CHN1: variants seen among roughly 807,000 people sequenced by gnomAD.
The protein encoded by CHN1 is N-chimaerin.
A neutral mutation model predicts 59.5 loss-of-function variants in CHN1; 37 were observed. The observed-to-expected ratio is 0.62, with a 90% CI of 0.48 to 0.82. The LOEUF (loss-of-function observed/expected upper bound fraction) is 0.82. CHN1 is among the 40% of genes least tolerant of loss of function. CHN1 has a pLI of 0.00. For missense variants in CHN1, 469 were observed against 571.0 expected, an observed-to-expected ratio of 0.82 and a Z score of 1.82; for synonymous variants, 206 against 200.4, an observed-to-expected ratio of 1.03 and a Z score of -0.24.
At chr2:174,898,528 C>T (rs1034074094) in intron 5 of CHN1, among the ~76,000 whole-genome samples, 12 of 151,984 alleles carry the variant, frequency 7.9e-5, no homozygotes, top group South Asian at 2.1e-4. Flanking sequence ...CACTTGAACC[C>T]GGGAAGCAGA....
intron 8 of CHN1, among the ~76,000 whole-genome samples, chr2:174,818,659 A>G (rs1015503444): frequency 5.3e-5 from 8 of 149,894 alleles, no homozygotes; most frequent in Admixed American, 2.0e-4. Flanking sequence ...ATTAAACCAC[A>G]TTTCTCCCTT....
intron 3 of CHN1, among the ~76,000 whole-genome samples, chr2:174,933,968 T>C (rs1689425649): frequency 6.6e-6 from 1 of 152,010 alleles, no homozygotes; most frequent in African/African-American, 2.4e-5. Flanking sequence ...GGATACAAAA[T>C]TATGAGCTGA....
chr2:174,816,631 A>C (rs965276850), intron 8 of CHN1, among the ~76,000 whole-genome samples: 1 of 152,166 alleles, frequency 6.6e-6, no homozygotes, highest in Non-Finnish European at 1.5e-5. Context: ...ATTAGCCACC[A>C]GGGAACTCGC....
intron 6 of CHN1, among the ~76,000 whole-genome samples, chr2:174,861,164 A>G (rs759184083): frequency 2.6e-5 from 4 of 152,234 alleles, no homozygotes; most frequent in Non-Finnish European, 5.9e-5. Context: ...GGGATCTTAG[A>G]TAAGTCTCAG....
intron 1 of CHN1, among the ~76,000 whole-genome samples, chr2:174,982,658 C>A (rs1691194812): frequency 6.6e-6 from 1 of 152,080 alleles, no homozygotes; most frequent in South Asian, 2.1e-4. Context: ...TTAACCCCAC[C>A]CATTCACTCT....
chr2:174,842,520 G>C (rs1686349079), intron 7 of CHN1, among the ~76,000 whole-genome samples: 1 of 152,130 alleles, frequency 6.6e-6, no homozygotes. Context: ...CTTAGACCAT[G>C]TGGTTTAAAA....
At chr2:174,852,138 A>C (rs1686751895) in intron 6 of CHN1, among the ~76,000 whole-genome samples, 2 of 151,770 alleles carry the variant, frequency 1.3e-5, no homozygotes, top group African/African-American at 4.8e-5. Context: ...AAAATACAAA[A>C]ATTAGCCGGG....
chr2:174,802,147 AAAAACT>A (rs751051456), intron 11 of CHN1: 192 of 268,224 alleles, frequency 7.2e-4, no homozygotes, highest in Non-Finnish European at 1.2e-3. Context: ...CGACACAGAT[AAAAACT>A]TATACATTCA....
intron 11 of CHN1, among the ~76,000 whole-genome samples, chr2:174,804,136 G>C (rs541096989): frequency 6.6e-6 from 1 of 152,176 alleles, no homozygotes; most frequent in African/African-American, 2.4e-5. Flanking sequence ...TGTTGGGGGC[G>C]TTGCAATTTT....
chr2:174,832,155 T>C (rs1685901967), intron 7 of CHN1, among the ~76,000 whole-genome samples: 1 of 152,124 alleles, frequency 6.6e-6, no homozygotes, highest in Non-Finnish European at 1.5e-5. Flanking sequence ...ACTGTTAACA[T>C]ATATTACAAT....
intron 5 of CHN1, among the ~76,000 whole-genome samples, chr2:174,905,114 T>C (rs1386968156): frequency 6.6e-6 from 1 of 152,038 alleles, no homozygotes; most frequent in Non-Finnish European, 1.5e-5. Context: ...AACTGTTAAG[T>C]CCATTAAAAA....
intron 5 of CHN1, among the ~76,000 whole-genome samples, chr2:174,894,275 A>C (rs990676777): frequency 1.3e-5 from 2 of 152,116 alleles, no homozygotes; most frequent in African/African-American, 4.8e-5. Context: ...ATAACTCAAT[A>C]ACCAAAAAGT....
intron 1 of CHN1, among the ~76,000 whole-genome samples, chr2:174,963,666 C>T (rs1143989): frequency 0.47 from 72,069 of 152,020 alleles, 17,865 homozygotes; most frequent in African/African-American, 0.6. Flanking sequence ...ACTATGAGTT[C>T]TTCTCTGGTT....
At chr2:174,870,389 CAT>C (rs1305440396) in intron 6 of CHN1, among the ~76,000 whole-genome samples, 8 of 152,290 alleles carry the variant, frequency 5.3e-5, no homozygotes, top group Middle Eastern at 3.4e-3. Context: ...ATATTAAAAA[CAT>C]GTGTTTTCAT....
At chr2:174,932,522 T>G (rs887259657) in intron 3 of CHN1, among the ~76,000 whole-genome samples, 1 of 152,208 alleles carries the variant, frequency 6.6e-6, no homozygotes. Context: ...TCTCACAGTT[T>G]CCACAGTTCA....
intron 2 of CHN1, among the ~76,000 whole-genome samples, chr2:174,947,325 G>A (rs1353276985): frequency 2.0e-5 from 3 of 152,112 alleles, no homozygotes; most frequent in African/African-American, 4.8e-5. Flanking sequence ...TTAACATTAA[G>A]TCACATAAGG....
intron 7 of CHN1, among the ~76,000 whole-genome samples, 176 bp downstream of exon 7, chr2:174,846,704 T>C (rs1221376403): frequency 6.6e-6 from 1 of 152,194 alleles, no homozygotes; most frequent in African/African-American, 2.4e-5. Context: ...TGGATTTCTA[T>C]TAGCCTTATT....
chr2:174,895,064 C>A (rs1688172951), intron 5 of CHN1, among the ~76,000 whole-genome samples: 1 of 151,084 alleles, frequency 6.6e-6, no homozygotes, highest in South Asian at 2.1e-4. Flanking sequence ...CACACACACA[C>A]ACACACAAAG....
rs1278975030 is a variant in CHN1, at chr2:174,946,925, AAT to A, written c.59-1984_59-1983del. On this transcript the variant is annotated intron_variant, in intron 2 of 12. Transcript: ENST00000409900. ...TAAAAAAAAAAAAAAAAAAAAAAAA[AAT>A]TCTTCAAGTCCATTCCTCCATATTG... Among the ~76,000 whole-genome samples, 4 of 150,188 alleles carry A rather than the reference AAT, an allele frequency of 2.7e-5. No homozygotes were observed. In the East Asian group the frequency reaches 7.8e-4, roughly 29 times the overall value.
Sources: allele counts gnomAD v4.1 joint callset (sites outside exome capture counted in the v4.1 genomes callset), GRCh38; gene constraint gnomAD v4.1.1; transcripts MANE v1.5; gene names NCBI Gene and HGNC (gene_info 2026-07-23, HGNC 2026-07-21).